NYAP2: variants seen among roughly 807,000 people sequenced by gnomAD.
NYAP2 encodes the protein neuronal tyrosine-phosphorylated phosphoinositide-3-kinase adapter 2.
Under a neutral mutation model 50.4 loss-of-function variants are expected in NYAP2, and 23 were observed. The observed-to-expected ratio is 0.46, with a 90% CI of 0.33 to 0.65. The LOEUF (loss-of-function observed/expected upper bound fraction) is 0.65, where lower values mean the gene tolerates loss of function less well. Among genes scored for constraint, NYAP2 ranks in the 30% least tolerant of loss-of-function variants. The pLI, the probability that NYAP2 is intolerant of heterozygous loss-of-function variation, is 0.02. For synonymous variants in NYAP2, 394 were observed against 365.2 expected (o/e 1.08, Z -0.90); for missense variants, 885 against 861.0 (o/e 1.03, Z -0.35).
intron 4 of NYAP2, among the ~76,000 whole-genome samples, chr2:225,575,735 G>A (rs1159862708): frequency 6.6e-6 from 1 of 152,174 alleles, no homozygotes; most frequent in East Asian, 1.9e-4. Flanking sequence ...CTTACTGAAT[G>A]AGAACATATG....
intron 4 of NYAP2, among the ~76,000 whole-genome samples, chr2:225,514,021 T>C (rs964146320): frequency 5.3e-5 from 8 of 152,328 alleles, no homozygotes; most frequent in African/African-American, 1.9e-4. Flanking sequence ...CAAGGGGACA[T>C]TTTAATTCAG....
intron 6 of NYAP2, among the ~76,000 whole-genome samples, chr2:225,648,315 T>G (rs1312824680): frequency 6.6e-6 from 1 of 152,114 alleles, no homozygotes; most frequent in African/African-American, 2.4e-5. Flanking sequence ...AGTATATATT[T>G]TAGAAAGCAA....
intron 2 of NYAP2, among the ~76,000 whole-genome samples, chr2:225,407,554 T>C (rs1393012629): frequency 6.6e-6 from 1 of 151,976 alleles, no homozygotes; most frequent in African/African-American, 2.4e-5. Context: ...ATTTCCATAG[T>C]TATTATCCAG....
At chr2:225,508,658 G>A (rs115515773) in intron 3 of NYAP2, among the ~76,000 whole-genome samples, 1 of 152,166 alleles carries the variant, frequency 6.6e-6, no homozygotes, top group African/African-American at 2.4e-5. Context: ...TCATCAGACT[G>A]TGATGCAGTG....
Position 225,580,118 on chromosome 2 carries a change from C to T in NYAP2, c.524-1823C>T, listed in dbSNP as rs1305561065. Among the ~76,000 whole-genome samples, 4 of 152,144 alleles carry T rather than the reference C, an allele frequency of 2.6e-5. No homozygotes were observed. In the East Asian group the frequency reaches 7.7e-4, roughly 29 times the overall value. ...GCCTGCACTTGGTCTACAGTCATTT[C>T]TTGCTGTTGAGGGTGGCAGGAAACA... On this transcript the variant is annotated intron_variant, in intron 4 of 6. Transcript: ENST00000636099.
chr2:225,577,109 G>C (rs541109882), intron 4 of NYAP2, among the ~76,000 whole-genome samples: 1 of 152,172 alleles, frequency 6.6e-6, no homozygotes, highest in Non-Finnish European at 1.5e-5. Flanking sequence ...GTGAAAGGAA[G>C]ATCATCTGGG....
At chr2:225,597,257 C>T (rs1042644855) in intron 5 of NYAP2, among the ~76,000 whole-genome samples, 1 of 151,594 alleles carries the variant, frequency 6.6e-6, no homozygotes, top group African/African-American at 2.4e-5. Context: ...AAGCAGTATA[C>T]ATTGTACCCA....
chr2:225,631,194 A>G (rs1489483621), intron 6 of NYAP2, among the ~76,000 whole-genome samples: 2 of 152,230 alleles, frequency 1.3e-5, no homozygotes, highest in Admixed American at 1.3e-4. Flanking sequence ...TTTGATAAAC[A>G]TGTACCGTAC....
At chr2:225,668,730 CTG>C in the NYAP2 span, among the ~76,000 whole-genome samples, 1 of 151,904 alleles carries the variant, frequency 6.6e-6, no homozygotes. Context: ...CTGTCCTTTC[CTG>C]TGTGTGTGTC....
chr2:225,473,372 A>C (rs185590385), intron 3 of NYAP2, among the ~76,000 whole-genome samples: 19 of 152,346 alleles, frequency 1.2e-4, no homozygotes, highest in African/African-American at 3.8e-4. Flanking sequence ...TAGATCCCTC[A>C]GGAATCGCCA....
chr2:225,679,188 AAAGC>A, the NYAP2 span, among the ~76,000 whole-genome samples: 17 of 95,218 alleles, frequency 1.8e-4, no homozygotes, highest in Non-Finnish European at 4.0e-4. Flanking sequence ...ATGCCTTATA[AAAGC>A]AAGTACTTTA....
chr2:225,514,022 T>G (rs1690881938), intron 4 of NYAP2, among the ~76,000 whole-genome samples: 1 of 152,222 alleles, frequency 6.6e-6, no homozygotes, highest in African/African-American at 2.4e-5. Context: ...AAGGGGACAT[T>G]TTAATTCAGG....
chr2:225,590,729 G>GACTAAGTT (rs1692485662), intron 5 of NYAP2, among the ~76,000 whole-genome samples: 1 of 152,164 alleles, frequency 6.6e-6, no homozygotes, highest in Non-Finnish European at 1.5e-5. Context: ...TCCTTTCCTT[G>GACTAAGTT]ACTAAGTTAC....
At chr2:225,466,486 G>A (rs1356405) in intron 3 of NYAP2, among the ~76,000 whole-genome samples, 11 of 152,000 alleles carry the variant, frequency 7.2e-5, no homozygotes, top group Admixed American at 4.6e-4. Flanking sequence ...ATTTAAGACC[G>A]CAGGTGTGAG....
At chr2:225,596,389 A>T (rs1299877717) in intron 5 of NYAP2, among the ~76,000 whole-genome samples, 4 of 152,150 alleles carry the variant, frequency 2.6e-5, no homozygotes, top group African/African-American at 9.7e-5. Context: ...ACACATACTG[A>T]GTCTTTTTTA....
chr2:225,465,718 A>AAAAC (rs374767573), intron 3 of NYAP2, among the ~76,000 whole-genome samples: 9 of 152,230 alleles, frequency 5.9e-5, no homozygotes, highest in Admixed American at 3.3e-4. Context: ...TCTGTCTCAA[A>AAAAC]AAACAAACAA....
intron 3 of NYAP2, among the ~76,000 whole-genome samples, chr2:225,446,341 T>C (rs548796438): frequency 5.3e-5 from 8 of 150,170 alleles, no homozygotes; most frequent in Non-Finnish European, 1.2e-4. Flanking sequence ...CATTCATTCA[T>C]TGAATTAATT....
chr2:225,521,746 G>T (rs905863698), intron 4 of NYAP2, among the ~76,000 whole-genome samples: 4 of 151,858 alleles, frequency 2.6e-5, no homozygotes, highest in Non-Finnish European at 4.4e-5. Flanking sequence ...TTTTTTGGTT[G>T]TGTCTCTGCT....
chr2:225,581,977 C>G lies in NYAP2; in HGVS notation c.560C>G (p.Ser187Cys), dbSNP rs1425656865. 4.3e-6 allele frequency: 7 copies of G among 1,611,966 alleles called. No homozygotes were observed. The African/African-American group carries it at 6.7e-5, about 15-fold the overall frequency. Reference sequence around the variant, plus strand: ...CCAAGACCCCACAGCGATGAATATTCCAAGAAGATTCCTCCTCCCAAACCG... The same window carrying G: ...CCAAGACCCCACAGCGATGAATATTGCAAGAAGATTCCTCCTCCCAAACCG... The change falls in exon 5 of 7, where the codon TCC (serine) becomes TGC (cysteine). Residue 187 changes from serine to cysteine, a missense_variant. Physicochemically the swap from Ser to Cys is moderately radical, Grantham distance 112. Transcript: ENST00000636099.
Sources: allele counts gnomAD v4.1 joint callset (sites outside exome capture counted in the v4.1 genomes callset), GRCh38; gene constraint gnomAD v4.1.1; transcripts MANE v1.5; gene names NCBI Gene and HGNC (gene_info 2026-07-23, HGNC 2026-07-21).